The following ZNF717 variants were observed in gnomAD, a reference collection of about 807,000 sequenced individuals.
ZNF717 encodes krueppel-like factor X17.
In ZNF717, 9 loss-of-function variants were observed where a neutral mutation model predicts 13.8. That is an observed-to-expected ratio of 0.65 (90% confidence interval 0.39 to 1.14). ZNF717 has a LOEUF of 1.14. ZNF717 is among the 50% of genes most tolerant of loss of function. The pLI is 0.01. For synonymous variants in ZNF717, 327 were observed against 364.1 expected, an observed-to-expected ratio of 0.90 and a Z score of 1.16; for missense variants, 1,040 against 1,080.7, an observed-to-expected ratio of 0.96 and a Z score of 0.53.
chr3:75,768,006 C>A (rs1026113213), intron 2 of ZNF717, among the ~76,000 whole-genome samples: 3 of 152,120 alleles, frequency 2.0e-5, no homozygotes, highest in Non-Finnish European at 4.4e-5. Context: ...TGGAGAATGA[C>A]AAGAGCCCAG....
intron 2 of ZNF717, among the ~76,000 whole-genome samples, chr3:75,744,611 A>G (rs901049500): frequency 6.6e-6 from 1 of 152,200 alleles, no homozygotes; most frequent in African/African-American, 2.4e-5. Flanking sequence ...ATCCGCGTGG[A>G]CAACTCTAAG....
rs1438003885 is a variant in ZNF717 at position 75,738,041 on chromosome 3, T to A, written c.1582A>T (p.Thr528Ser). The A allele has an allele frequency of 7.4e-7, 1 of 1,342,364 alleles. No homozygotes were observed. Among genetic ancestry groups the A allele is most frequent in the Non-Finnish European group, 9.9e-7 (1 of 1,006,254 alleles). 83.2% of individuals were successfully genotyped at this position (1,342,364 alleles called of 1,614,324 possible). A position where few individuals can be genotyped will look rare whatever the true frequency, so the allele number is the denominator to read the frequency against. ...CKSFLTVHQRTHAGEKPYACN... is the reference protein window; with the variant it reads ...CKSFLTVHQRSHAGEKPYACN... ...GCGTATGGTTTTTCCCCAGCATGAG[T>A]TCTCTGATGGACAGTGAGGAATGAC... Residue 528 changes from threonine to serine, a missense_variant, in exon 5 of 5, where the codon ACT becomes TCT. Thr to Ser is a moderately conservative substitution (Grantham distance 58). Coordinates refer to ENST00000652011, the MANE Select transcript of ZNF717 (RefSeq NM_001290208.3).
chr3:75,748,369 TGGAC>T (rs1941369856), intron 2 of ZNF717, among the ~76,000 whole-genome samples: 2 of 152,168 alleles, frequency 1.3e-5, no homozygotes, highest in African/African-American at 4.8e-5. Flanking sequence ...TACCAAAGCC[TGGAC>T]GAGACATAAT....
intron 4 of ZNF717, among the ~76,000 whole-genome samples, chr3:75,717,992 G>A (rs1267249728): frequency 4.6e-5 from 7 of 152,188 alleles, no homozygotes; most frequent in Non-Finnish European, 8.8e-5. Context: ...GAGACTGGAA[G>A]CATTGGTCAA....
At chr3:75,729,186 A>G (rs1938371767), downstream of ZNF717, among the ~76,000 whole-genome samples, 2 of 152,194 alleles carry the variant, frequency 1.3e-5, no homozygotes, top group Non-Finnish European at 2.9e-5. Flanking sequence ...ACAGACTGAT[A>G]CAGTCATCCA....
At position 75,724,080 on chromosome 3, in the gene ZNF717, TCC is replaced by T. The variant is rs367675827; in HGVS notation, n.545-7541_545-7540del. ...AATGGCGTAAGCTGTCCTCTCTCTC[TCC>T]CCACCTCGGCTGCCAAACAAGGAAG... On this transcript the variant is annotated intron_variant and non_coding_transcript_variant, in intron 4 of 5. Coordinates refer to the ZNF717 transcript ENST00000491507. 1.8e-3 allele frequency among the ~76,000 whole-genome samples: 274 copies of T among 151,854 alleles called. 1 individual carries two copies. The highest frequency in any genetic ancestry group is 5.9e-3 in the African/African-American group (246 of 41,446).
At chr3:75,760,443 T>C (rs1942896089) in intron 2 of ZNF717, among the ~76,000 whole-genome samples, 1 of 152,224 alleles carries the variant, frequency 6.6e-6, no homozygotes, top group Non-Finnish European at 1.5e-5. Flanking sequence ...ATCACCTTTA[T>C]TAAAAACAAC....
downstream of ZNF717, among the ~76,000 whole-genome samples, chr3:75,707,024 T>C (rs61282609): frequency 6.2e-3 from 932 of 151,440 alleles, no homozygotes; most frequent in African/African-American, 0.022. Flanking sequence ...TCATAAAGCA[T>C]AGAAAGTGTT....
At chr3:75,777,388 C>CA (rs1246524004) in intron 2 of ZNF717, among the ~76,000 whole-genome samples, 1 of 147,552 alleles carries the variant, frequency 6.8e-6, no homozygotes, top group East Asian at 2.1e-4. Flanking sequence ...AAACAAAAAA[C>CA]AATGGGAGTG....
Position 75,737,498 on chromosome 3 carries a change from C to T in ZNF717, c.2125G>A (p.Glu709Lys). The T allele has an allele frequency of 6.4e-7, 1 of 1,554,538 alleles. No individual in the cohort carries two copies. Among genetic ancestry groups the T allele is most frequent in the Non-Finnish European group, 8.7e-7 (1 of 1,148,656 alleles). ...ATTTGCCTTCTGATGAAAGGATTTT[C>T]CACATTCATTACATTCATAGGGCTT... ...GKSPMNVMNVENPFIRRQIFR... is the reference protein window; with the variant it reads ...GKSPMNVMNVKNPFIRRQIFR... The change falls in exon 5 of 5, where the codon GAA (glutamate) becomes AAA (lysine). Residue 709 changes from glutamate to lysine, a missense_variant. By Grantham distance (56) the Glu-to-Lys change is moderately conservative (BLOSUM62 1). Transcript: ENST00000652011.
chr3:75,741,627 C>A lies in ZNF717; in HGVS notation c.167G>T (p.Ser56Ile). The change falls in exon 3 of 5, where the codon AGC (serine) becomes ATC (isoleucine). Residue 56 changes from serine (S) to isoleucine (I), a missense_variant. By Grantham distance (142) the Ser-to-Ile change is moderately radical. This residue lies in a region of ZNF717 where 123 missense variants were observed against 177.8 expected (regional missense o/e 0.69). Transcript: ENST00000652011. ...LYRDVMLETY[S>I]SLVSLGHYIT... is the part of the protein sequence containing the mutation. ...TCACTCACCCAATGATACCAGGCTG[C>A]TGTAGGTCTCCAGCATCACGTCCCT... The A allele has an allele frequency of 1.3e-6, 2 of 1,571,202 alleles. No individual in the cohort carries two copies. The highest frequency in any genetic ancestry group is 1.7e-6 in the Non-Finnish European group (2 of 1,156,248).
chr3:75,719,586 G>A (rs543845935), intron 4 of ZNF717, among the ~76,000 whole-genome samples: 67 of 152,268 alleles, frequency 4.4e-4, no homozygotes, highest in Non-Finnish European at 7.6e-4. Context: ...GATGCCATCC[G>A]CCTCAGTGTG....
chr3:75,776,426 T>C (rs1944327427), intron 2 of ZNF717, among the ~76,000 whole-genome samples: 1 of 152,254 alleles, frequency 6.6e-6, no homozygotes, highest in Admixed American at 6.5e-5. Context: ...GTTTTCTGAT[T>C]GTATAAAAGC....
At chr3:75,752,395 G>A (rs1464632776) in intron 2 of ZNF717, among the ~76,000 whole-genome samples, 90 of 126,226 alleles carry the variant, frequency 7.1e-4, no homozygotes, top group African/African-American at 2.7e-3. Flanking sequence ...ACACTGCTTC[G>A]AGGGCCTAAA....
intron 2 of ZNF717, among the ~76,000 whole-genome samples, chr3:75,756,955 C>T (rs112470680): frequency 6.6e-6 from 1 of 152,252 alleles, no homozygotes; most frequent in Admixed American, 6.5e-5. Context: ...GGATTACAGG[C>T]GTGACAGCCA....
chr3:75,722,071 C>A (rs1424567155), intron 4 of ZNF717, among the ~76,000 whole-genome samples: 5 of 144,428 alleles, frequency 3.5e-5, no homozygotes, highest in Non-Finnish European at 7.5e-5. Context: ...CACGTTGAAA[C>A]CCCATCTCTA....
downstream of ZNF717, among the ~76,000 whole-genome samples, chr3:75,731,756 A>C (rs140627096): frequency 2.0e-5 from 3 of 152,234 alleles, no homozygotes; most frequent in African/African-American, 7.2e-5. Context: ...TCTAAAAAAA[A>C]AATTTAAATA....
At chr3:75,768,638 A>T (rs1484755315) in intron 2 of ZNF717, among the ~76,000 whole-genome samples, 1 of 145,078 alleles carries the variant, frequency 6.9e-6, no homozygotes, top group African/African-American at 2.6e-5. Context: ...AACCTGATTC[A>T]GTCCTCACTG....
chr3:75,782,038 A>G (rs75431663), intron 2 of ZNF717, among the ~76,000 whole-genome samples: 276 of 152,258 alleles, frequency 1.8e-3, no homozygotes, highest in African/African-American at 5.9e-3. Flanking sequence ...TGCGTTAGCC[A>G]TCTCTCAGTC....
Sources: gnomAD v4.1 joint callset for allele counts (sites outside exome capture counted in the v4.1 genomes callset) on GRCh38, gnomAD v4.1.1 for gene constraint, gnomAD v4.1.1 regional missense constraint, MANE v1.5 for transcripts, NCBI Gene and HGNC (gene_info 2026-07-23, HGNC 2026-07-21) for gene names.